KCNH7: variants seen among roughly 807,000 people sequenced by gnomAD.
KCNH7 encodes the protein potassium voltage-gated channel subfamily H member 7.
KCNH7 carries 49 observed loss-of-function variants against 120.8 expected under a neutral mutation model. The observed-to-expected ratio is 0.41, with a 90% CI of 0.32 to 0.51. The LOEUF (loss-of-function observed/expected upper bound fraction) is 0.51, where lower values mean the gene tolerates loss of function less well. Among genes scored for constraint, KCNH7 ranks in the 20% least tolerant of loss-of-function variants. The pLI is 0.38. For synonymous variants in KCNH7, 547 were observed against 516.1 expected, an observed-to-expected ratio of 1.06 and a Z score of -0.81; for missense variants, 1,097 against 1,446.6, an observed-to-expected ratio of 0.76 and a Z score of 3.92.
At chr2:162,562,588 A>G (rs1253558511) in intron 2 of KCNH7, among the ~76,000 whole-genome samples, 1 of 152,170 alleles carries the variant, frequency 6.6e-6, no homozygotes, top group Non-Finnish European at 1.5e-5. Context: ...AGCTCAGACG[A>G]CTGAGCATGG....
chr2:162,556,805 T>C (rs969613917), intron 2 of KCNH7, among the ~76,000 whole-genome samples: 1 of 152,238 alleles, frequency 6.6e-6, no homozygotes, highest in African/African-American at 2.4e-5. Flanking sequence ...TGGAAATATG[T>C]CTACATTTTA....
chr2:162,491,152 T>C (rs1054400935), intron 6 of KCNH7, among the ~76,000 whole-genome samples: 4 of 152,228 alleles, frequency 2.6e-5, no homozygotes, highest in Admixed American at 1.3e-4. Context: ...GCCATGAACC[T>C]GTGGAGCCTT....
At chr2:162,393,422 A>G (rs775535750) in intron 12 of KCNH7, among the ~76,000 whole-genome samples, 2 of 151,982 alleles carry the variant, frequency 1.3e-5, no homozygotes, top group African/African-American at 4.8e-5. Flanking sequence ...GAGAAAGAGT[A>G]TGATATAGAA....
At position 162,560,728 on chromosome 2, in the gene KCNH7, A is replaced by C. The variant is rs566204934; in HGVS notation, c.308-23648T>G. ...GCTGAAATTGAAGGAGCACCAGATC[A>C]AACTGATGTGCTTTCATAAACTGAT... On this transcript the variant is annotated intron_variant, in intron 2 of 15. Transcript: ENST00000332142. Among the ~76,000 whole-genome samples, 6 of 152,356 alleles carry C rather than the reference A, an allele frequency of 3.9e-5. No individual in the cohort carries two copies. The South Asian group carries it at 1.2e-3, about 32-fold the overall frequency.
At chr2:162,616,011 T>C (rs1574173531) in intron 2 of KCNH7, among the ~76,000 whole-genome samples, 1 of 152,236 alleles carries the variant, frequency 6.6e-6, no homozygotes, top group Admixed American at 6.5e-5. Context: ...TTCTACACTA[T>C]GGTTTTGTAA....
intron 6 of KCNH7, among the ~76,000 whole-genome samples, chr2:162,457,076 T>C (rs111849069): frequency 2.2e-4 from 33 of 152,238 alleles, no homozygotes; most frequent in African/African-American, 7.9e-4. Context: ...TCTTTGAAAG[T>C]CACAAATAAG....
intron 2 of KCNH7, among the ~76,000 whole-genome samples, chr2:162,547,990 A>G (rs1692537748): frequency 6.6e-6 from 1 of 151,576 alleles, no homozygotes; most frequent in South Asian, 2.1e-4. Context: ...AGAAGCAGAA[A>G]AAGGTGAAAG....
chr2:162,465,152 T>C (rs1689267896), intron 6 of KCNH7, among the ~76,000 whole-genome samples: 1 of 152,144 alleles, frequency 6.6e-6, no homozygotes, highest in African/African-American at 2.4e-5. Flanking sequence ...CAGTATTATC[T>C]GTGTCACCAG....
intron 4 of KCNH7, among the ~76,000 whole-genome samples, chr2:162,514,616 T>A (rs1202158899): frequency 6.6e-6 from 1 of 151,750 alleles, no homozygotes; most frequent in African/African-American, 2.4e-5. Context: ...GCAGAGTAAT[T>A]TCATGTCTGA....
intron 2 of KCNH7, among the ~76,000 whole-genome samples, chr2:162,689,433 T>C (rs1455201981): frequency 3.9e-5 from 6 of 152,100 alleles, no homozygotes; most frequent in Admixed American, 2.0e-4. Flanking sequence ...ATTACAGGCA[T>C]GAGCCACCTT....
In KCNH7 at chr2:162,759,181, C is replaced by T. The variant is rs551405610; in HGVS notation, c.307+77356G>A. Among the ~76,000 whole-genome samples the T allele has an allele frequency of 5.3e-5, 8 of 152,058 alleles. No homozygotes were observed. In the South Asian group the frequency reaches 8.3e-4, roughly 16 times the overall value. On this transcript the variant is annotated intron_variant, in intron 2 of 15. Coordinates refer to ENST00000332142, the MANE Select transcript of KCNH7 (RefSeq NM_033272.4). ...GAAGGGAATATTTAACTGTACTCTA[C>T]GTAAAGAATAGACTAGAGACCTTGG...
At chr2:162,410,829 C>G (rs1292951769) in intron 9 of KCNH7, among the ~76,000 whole-genome samples, 1 of 151,926 alleles carries the variant, frequency 6.6e-6, no homozygotes, top group Non-Finnish European at 1.5e-5. Context: ...ATACCAGTGG[C>G]CAAGAAACAT....
intron 6 of KCNH7, chr2:162,502,400 T>C (rs1690716195): frequency 6.6e-6 from 1 of 152,158 alleles, no homozygotes; most frequent in African/African-American, 2.4e-5. Context: ...ATGGACACTT[T>C]CCACATTTCT....
At chr2:162,816,990 C>T (rs755932794) in intron 2 of KCNH7, among the ~76,000 whole-genome samples, 2 of 152,026 alleles carry the variant, frequency 1.3e-5, no homozygotes, top group Non-Finnish European at 2.9e-5. Context: ...CCTTTATACG[C>T]ATTTATTTGT....
At chr2:162,621,978 T>TG (rs1249579475) in intron 2 of KCNH7, among the ~76,000 whole-genome samples, 2 of 152,224 alleles carry the variant, frequency 1.3e-5, no homozygotes, top group African/African-American at 4.8e-5. Context: ...CCACTTCTCA[T>TG]GTGTCTTTTT....
intron 2 of KCNH7, among the ~76,000 whole-genome samples, chr2:162,577,034 A>G (rs1693693390): frequency 6.6e-6 from 1 of 151,698 alleles, no homozygotes; most frequent in Non-Finnish European, 1.5e-5. Flanking sequence ...TCTTGCCTCA[A>G]TCTTCTGAGT....
At chr2:162,456,930 T>A (rs923259255) in intron 6 of KCNH7, among the ~76,000 whole-genome samples, 1 of 152,074 alleles carries the variant, frequency 6.6e-6, no homozygotes, top group African/African-American at 2.4e-5. Context: ...ATTGTCTCCT[T>A]TTTTTCTTCT....
chr2:162,744,346 T>C (rs1359066730), intron 2 of KCNH7, among the ~76,000 whole-genome samples: 3 of 152,182 alleles, frequency 2.0e-5, no homozygotes, highest in Non-Finnish European at 4.4e-5. Flanking sequence ...AAATGTATAA[T>C]TGCTGTCAAT....
intron 2 of KCNH7, among the ~76,000 whole-genome samples, chr2:162,596,689 CAA>C (rs1232562731): frequency 6.6e-6 from 1 of 151,862 alleles, no homozygotes; most frequent in Non-Finnish European, 1.5e-5. Flanking sequence ...ACAACAAAAG[CAA>C]AAATAGACAA....
Sources: gnomAD v4.1 joint callset for allele counts (sites outside exome capture counted in the v4.1 genomes callset) on GRCh38, gnomAD v4.1.1 for gene constraint, MANE v1.5 for transcripts, NCBI Gene and HGNC (gene_info 2026-07-23, HGNC 2026-07-21) for gene names.